The following TRIM24 variants were observed in gnomAD, a reference collection of about 807,000 sequenced individuals.
TRIM24 encodes the protein tripartite motif containing 24, also known as transcription intermediary factor 1-alpha.
TRIM24 carries 29 observed loss-of-function variants against 123.9 expected under a neutral mutation model. The observed-to-expected ratio is 0.23, with a 90% confidence interval of 0.17 to 0.32. The LOEUF (loss-of-function observed/expected upper bound fraction) is 0.32. TRIM24 is among the 10% of genes least tolerant of loss of function. The probability of loss-of-function intolerance (pLI) is 1.00; values close to 1 mark genes in which losing one functional copy is unlikely to be tolerated. For missense variants in TRIM24, 932 were observed against 1,295.3 expected, an observed-to-expected ratio of 0.72 and a Z score of 4.31; for synonymous variants, 456 against 461.1, an observed-to-expected ratio of 0.99 and a Z score of 0.14.
At chr7:138,574,441 A>G (rs949300909) in intron 12 of TRIM24, among the ~76,000 whole-genome samples, 47 of 152,358 alleles carry the variant, frequency 3.1e-4, no homozygotes, top group African/African-American at 1.1e-3. Context: ...GACAAAATAT[A>G]GCAGAGAAAC....
intron 1 of TRIM24, among the ~76,000 whole-genome samples, chr7:138,467,673 T>A (rs1374175420): frequency 6.6e-6 from 1 of 152,210 alleles, no homozygotes; most frequent in Non-Finnish European, 1.5e-5. Context: ...GTTCTTCCAA[T>A]CTGTGAATAT....
rs116426926 is a variant in TRIM24, at chr7:138,526,838, C to G, written c.881+1481C>G. 4.2e-3 allele frequency among the ~76,000 whole-genome samples: 643 copies of G among 151,926 alleles called. 5 individuals are homozygous for G. The highest frequency in any genetic ancestry group is 0.015 in the African/African-American group (606 of 41,412). ...TTGGTGGGTTTAAACTTTTTTTATT[C>G]TGAGTAATTGAAAATTTGTAATGAA... is the stretch of plus-strand genomic sequence containing the variant. On this transcript the variant is annotated intron_variant, in intron 5 of 18. Coordinates refer to ENST00000343526, the MANE Select transcript of TRIM24 (RefSeq NM_015905.3).
At chr7:138,510,389 A>ATG (rs558171045) in intron 2 of TRIM24, among the ~76,000 whole-genome samples, 11 of 151,960 alleles carry the variant, frequency 7.2e-5, no homozygotes, top group Admixed American at 2.6e-4. Context: ...CAATCAAATC[A>ATG]TGTGTGTGTG....
chr7:138,532,144 C>A (rs6955814), intron 6 of TRIM24, among the ~76,000 whole-genome samples: 120,700 of 150,764 alleles, frequency 0.8, 48,636 homozygotes, highest in African/African-American at 0.83. Flanking sequence ...GATTGCAAAA[C>A]TTTTTTCCCA....
At chr7:138,536,296 T>C (rs955123444) in intron 6 of TRIM24, among the ~76,000 whole-genome samples, 1 of 152,204 alleles carries the variant, frequency 6.6e-6, no homozygotes, top group African/African-American at 2.4e-5. Context: ...GGCGCTCTGA[T>C]TTTTAGAATT....
chr7:138,512,489 C>T (rs997779688), intron 2 of TRIM24, among the ~76,000 whole-genome samples: 4 of 152,122 alleles, frequency 2.6e-5, no homozygotes, highest in African/African-American at 9.7e-5. Flanking sequence ...CTTCTGAAAT[C>T]CAGGCAGAGA....
intron 1 of TRIM24, among the ~76,000 whole-genome samples, chr7:138,492,005 C>T (rs1388861436): frequency 6.6e-6 from 1 of 150,912 alleles, no homozygotes; most frequent in African/African-American, 2.4e-5. Flanking sequence ...TGGCTGAACA[C>T]TTATAATCCC....
chr7:138,546,399 G>C (rs1246540878), intron 7 of TRIM24, among the ~76,000 whole-genome samples: 1 of 152,202 alleles, frequency 6.6e-6, no homozygotes, highest in Non-Finnish European at 1.5e-5. Flanking sequence ...TTATATCCTT[G>C]ATGGCATCAT....
intron 1 of TRIM24, among the ~76,000 whole-genome samples, chr7:138,489,128 T>C (rs2116494415): frequency 6.6e-6 from 1 of 152,290 alleles, no homozygotes; most frequent in East Asian, 1.9e-4. Flanking sequence ...CCTTTGATCT[T>C]TGTTGGTTTA....
intron 7 of TRIM24, among the ~76,000 whole-genome samples, chr7:138,549,264 T>C (rs2116627026): frequency 6.6e-6 from 1 of 152,278 alleles, no homozygotes; most frequent in Admixed American, 6.5e-5. Flanking sequence ...GAAACATTGC[T>C]ATGTGGTACA....
intron 9 of TRIM24, chr7:138,556,406 T>G (rs1008981335): frequency 1.4e-4 from 22 of 152,124 alleles, no homozygotes; most frequent in African/African-American, 5.1e-4. Flanking sequence ...CAGGTGAGGA[T>G]AGTAAATTCC....
Position 138,584,899 on chromosome 7 carries a change from A to T in TRIM24, c.3101A>T (p.Gln1034Leu). Residue 1034 changes from glutamine (Q) to leucine (L), a missense_variant, in exon 19 of 19, where the codon CAG becomes CTG. Gln to Leu is a moderately radical substitution (Grantham distance 113). Around this residue, in one of 7 missense-constraint regions of TRIM24, gnomAD observed 104 missense variants for 121.5 expected, o/e 0.86. Transcript: ENST00000343526. Reference sequence around the variant, plus strand: ...GATGATTCAGATGATGACTTTGTACAGCCCCGGAAGAAACGCCTCAAAAGC... The same window carrying T: ...GATGATTCAGATGATGACTTTGTACTGCCCCGGAAGAAACGCCTCAAAAGC... ...FSDDSDDDFV[Q>L]PRKKRLKSIE... The T allele has an allele frequency of 6.2e-7, 1 of 1,613,580 alleles. No homozygotes were observed. The highest frequency in any genetic ancestry group is 1.1e-5 in the South Asian group (1 of 90,808).
chr7:138,494,633 A>AGT (rs1476623917), intron 1 of TRIM24, among the ~76,000 whole-genome samples: 2 of 152,150 alleles, frequency 1.3e-5, no homozygotes, highest in Non-Finnish European at 2.9e-5. Flanking sequence ...TACAATAAGG[A>AGT]GTGTGTCAAC....
At chr7:138,460,955 C>G in intron 1 of TRIM24, 43 bp downstream of exon 1, 1 of 1,366,206 alleles carries the variant, frequency 7.3e-7, no homozygotes, top group Non-Finnish European at 9.4e-7. Context: ...GGGAGAGGGC[C>G]AGGAGGGGGC....
At chr7:138,520,789 A>C (rs1796489892) in intron 4 of TRIM24, among the ~76,000 whole-genome samples, 1 of 152,230 alleles carries the variant, frequency 6.6e-6, no homozygotes, top group Non-Finnish European at 1.5e-5. Flanking sequence ...TTAATGAGCT[A>C]GAAGAAAATT....
At chr7:138,577,621 G>C in intron 14 of TRIM24, 33 bp downstream of exon 14, 1 of 1,521,908 alleles carries the variant, frequency 6.6e-7, no homozygotes, top group Non-Finnish European at 8.8e-7. Context: ...CTATTCCTAT[G>C]CATGGTGGGT....
At chr7:138,551,280 G>A (rs1337589358) in intron 8 of TRIM24, 100 bp downstream of exon 8, 20 of 1,037,100 alleles carry the variant, frequency 1.9e-5, no homozygotes, top group Admixed American at 1.4e-4. Flanking sequence ...GGCTGGGCAC[G>A]GTGGCTCACA....
chr7:138,550,941 C>T, intron 7 of TRIM24, 122 bp from the exon 8 acceptor site: 1 of 739,634 alleles, frequency 1.4e-6, no homozygotes, highest in Non-Finnish European at 2.1e-6. Flanking sequence ...GTATGTCCAA[C>T]AAACCTATAT....
intron 6 of TRIM24, among the ~76,000 whole-genome samples, chr7:138,531,667 G>A (rs928064413): frequency 2.0e-4 from 30 of 152,168 alleles, no homozygotes; most frequent in Non-Finnish European, 2.4e-4. Context: ...GAATAGTGCC[G>A]TAATAAACAT....
Sources: allele counts gnomAD v4.1 joint callset (sites outside exome capture counted in the v4.1 genomes callset), GRCh38; gene constraint gnomAD v4.1.1; regional missense constraint gnomAD v4.1.1; transcripts MANE v1.5; gene names NCBI Gene and HGNC (gene_info 2026-07-23, HGNC 2026-07-21).